Variants in NALCN observed in about 807,000 individuals in gnomAD.
NALCN encodes the protein sodium leak channel NALCN.
A neutral mutation model predicts 225.3 loss-of-function variants in NALCN; 111 were observed. The ratio of observed to expected loss-of-function variants is 0.49; its 90% confidence interval spans 0.42 to 0.58. NALCN has a LOEUF of 0.58. Ranked by LOEUF, NALCN falls within the 20% of genes least tolerant of loss-of-function variation. The pLI is 0.00. For missense variants in NALCN, 1,378 were observed against 2,202.4 expected, an observed-to-expected ratio of 0.63 and a Z score of 7.49; for synonymous variants, 764 against 769.0, an observed-to-expected ratio of 0.99 and a Z score of 0.11.
intron 15 of NALCN, among the ~76,000 whole-genome samples, chr13:101,157,019 T>G (rs1412650039): frequency 6.6e-6 from 1 of 152,168 alleles, no homozygotes; most frequent in Non-Finnish European, 1.5e-5. Context: ...CATATTTTAT[T>G]AAAAACAAGT....
rs773607307 is a variant in NALCN at position 101,103,300 on chromosome 13, G to T, written c.2929C>A (p.Pro977Thr). 1 of 1,613,670 alleles carries T rather than the reference G, an allele frequency of 6.2e-7. No homozygotes were observed. Among genetic ancestry groups the T allele is most frequent in the Non-Finnish European group, 8.5e-7 (1 of 1,179,782 alleles). ...IFLCWMPQNV[P>T]AESGAQLLMV... is the part of the protein sequence containing the mutation. The stretch of plus-strand genomic sequence containing the variant: ...AGAAGCTGAGCTCCCGATTCAGCAG[G>T]TACATTTTGAGGCATCCAACAAAGA... The change falls in exon 26 of 44, where the codon CCT (proline) becomes ACT (threonine). Residue 977 changes from proline to threonine, a missense_variant. By Grantham distance (38) the Pro-to-Thr change is conservative (BLOSUM62 -1). This residue lies in a region of NALCN where 292 missense variants were observed against 409.5 expected (regional missense o/e 0.71). Transcript: ENST00000251127.
At chr13:101,126,466 C>T (rs2036235041) in intron 17 of NALCN, among the ~76,000 whole-genome samples, 1 of 151,696 alleles carries the variant, frequency 6.6e-6, no homozygotes, top group South Asian at 2.1e-4. Context: ...TCCTACTTCT[C>T]CCCTCCTGAA....
chr13:101,099,316 C>T (rs1258731127), intron 27 of NALCN, among the ~76,000 whole-genome samples: 2 of 151,996 alleles, frequency 1.3e-5, no homozygotes, highest in African/African-American at 4.8e-5. Context: ...CCCAGTCTGG[C>T]CTTTGTTTCA....
At chr13:101,156,658 C>A (rs2037916543) in intron 15 of NALCN, among the ~76,000 whole-genome samples, 1 of 152,142 alleles carries the variant, frequency 6.6e-6, no homozygotes, top group African/African-American at 2.4e-5. Flanking sequence ...TCATTTATAA[C>A]TTCTTTCTCT....
chr13:101,062,144 C>A, intron 40 of NALCN, 26 bp from the exon 41 acceptor site: 2 of 1,611,596 alleles, frequency 1.2e-6, no homozygotes, highest in Non-Finnish European at 1.7e-6. Flanking sequence ...CACCTGCAAT[C>A]GCAGCTCTGA....
At chr13:101,221,643 C>A (rs2040945560) in intron 13 of NALCN, among the ~76,000 whole-genome samples, 1 of 151,992 alleles carries the variant, frequency 6.6e-6, no homozygotes, top group African/African-American at 2.4e-5. Flanking sequence ...CCTTTGCAGC[C>A]CCTTTCTTGA....
chr13:101,380,554 A>G (rs1049543084), intron 3 of NALCN, among the ~76,000 whole-genome samples: 1 of 152,212 alleles, frequency 6.6e-6, no homozygotes, highest in Admixed American at 6.5e-5. Context: ...TCAGTCACAT[A>G]TATCATTACC....
intron 6 of NALCN, among the ~76,000 whole-genome samples, chr13:101,356,925 C>G (rs189933057): frequency 6.6e-6 from 1 of 152,144 alleles, no homozygotes; most frequent in African/African-American, 2.4e-5. Context: ...TAAACAGAAC[C>G]AGAGACAAAA....
At chr13:101,346,087 C>CTATATATATATATATATATATATA (rs71121188) in intron 6 of NALCN, among the ~76,000 whole-genome samples, 3 of 70,972 alleles carry the variant, frequency 4.2e-5, no homozygotes, top group South Asian at 5.5e-4. Flanking sequence ...CTCTCTCTCT[C>CTATATATATATATATATATATATA]TATATATATA....
intron 9 of NALCN, among the ~76,000 whole-genome samples, chr13:101,290,798 C>T (rs924291276): frequency 1.3e-5 from 2 of 152,120 alleles, no homozygotes; most frequent in Non-Finnish European, 2.9e-5. Context: ...ATACCTTTGT[C>T]TTAACAGTAT....
At chr13:101,136,379 T>C (rs1479574594) in intron 17 of NALCN, among the ~76,000 whole-genome samples, 2 of 152,220 alleles carry the variant, frequency 1.3e-5, no homozygotes, top group South Asian at 4.1e-4. Context: ...TAGGTATGCA[T>C]GTGCCATGTT....
At chr13:101,086,889 A>G (rs1195807717) in intron 30 of NALCN, among the ~76,000 whole-genome samples, 3 of 152,138 alleles carry the variant, frequency 2.0e-5, no homozygotes, top group Admixed American at 2.0e-4. Flanking sequence ...TGATAATCAC[A>G]TTGCTAAACC....
At chr13:101,146,063 T>C (rs1325407882) in intron 15 of NALCN, among the ~76,000 whole-genome samples, 2 of 152,202 alleles carry the variant, frequency 1.3e-5, no homozygotes, top group Non-Finnish European at 2.9e-5. Flanking sequence ...GAGGGCTTCT[T>C]TTTGGGGAAA....
chr13:101,152,602 A>T (rs74735754), intron 15 of NALCN, among the ~76,000 whole-genome samples: 1 of 152,152 alleles, frequency 6.6e-6, no homozygotes, highest in Non-Finnish European at 1.5e-5. Flanking sequence ...GAAAAAAAAA[A>T]CTATTCAAAT....
intron 15 of NALCN, among the ~76,000 whole-genome samples, chr13:101,147,978 C>A (rs1540512): frequency 6.6e-6 from 1 of 151,884 alleles, no homozygotes; most frequent in Non-Finnish European, 1.5e-5. Flanking sequence ...AAATTCCTCA[C>A]AGAAGCTTTC....
At chr13:101,313,357 C>T (rs565359734) in intron 7 of NALCN, among the ~76,000 whole-genome samples, 3 of 152,288 alleles carry the variant, frequency 2.0e-5, no homozygotes, top group South Asian at 2.1e-4. Context: ...TAAAGAGCTT[C>T]TGCACAGCAA....
In NALCN at chr13:101,073,292, T is replaced by A. The variant is rs181227521; in HGVS notation, c.4197+292A>T. ...GAACACATTAAATTAAAGGGCTTCCTGTTTGACTTTCATTACCAAAATATT... is the reference window on the plus strand; with the variant it reads ...GAACACATTAAATTAAAGGGCTTCCAGTTTGACTTTCATTACCAAAATATT... On this transcript the variant is annotated intron_variant, in intron 37 of 43. Transcript: ENST00000251127. 2.0e-3 allele frequency among the ~76,000 whole-genome samples: 310 copies of A among 152,322 alleles called. 1 individual carries two copies. The highest frequency in any genetic ancestry group is 3.7e-3 in the Non-Finnish European group (251 of 68,024).
At chr13:101,383,579 C>G (rs963329958) in intron 3 of NALCN, among the ~76,000 whole-genome samples, 9 of 152,136 alleles carry the variant, frequency 5.9e-5, no homozygotes, top group African/African-American at 2.2e-4. Flanking sequence ...TGAACCATGT[C>G]TTAGATACAG....
At chr13:101,416,648 A>G, upstream of NALCN, among the ~76,000 whole-genome samples, 1 of 152,226 alleles carries the variant, frequency 6.6e-6, no homozygotes, top group East Asian at 1.9e-4. Context: ...CGGGCACCGC[A>G]GAGGAGGCTG....
Sources: gnomAD v4.1 joint callset for allele counts (sites outside exome capture counted in the v4.1 genomes callset) on GRCh38, gnomAD v4.1.1 for gene constraint, gnomAD v4.1.1 regional missense constraint, MANE v1.5 for transcripts, NCBI Gene and HGNC (gene_info 2026-07-23, HGNC 2026-07-21) for gene names.